Variants in UNC5C observed in about 807,000 individuals in gnomAD.
UNC5C encodes netrin receptor UNC5C.
A neutral mutation model predicts 99.8 loss-of-function variants in UNC5C; 47 were observed. That is an observed-to-expected ratio of 0.47 (90% CI 0.37 to 0.60). UNC5C has a LOEUF of 0.60. UNC5C is among the 20% of genes least tolerant of loss of function. The pLI, the probability that UNC5C is intolerant of heterozygous loss-of-function variation, is 0.00. For missense variants in UNC5C, 1,062 were observed against 1,165.9 expected (o/e 0.91, Z 1.30); for synonymous variants, 487 against 452.2 (o/e 1.08, Z -0.98).
At chr4:95,532,427 A>G (rs1442316125) in intron 1 of UNC5C, among the ~76,000 whole-genome samples, 2 of 149,720 alleles carry the variant, frequency 1.3e-5, no homozygotes, top group Non-Finnish European at 1.5e-5. Flanking sequence ...CATCAACAAA[A>G]TATGCATTCA....
At chr4:95,538,710 T>C (rs1722839970) in intron 1 of UNC5C, among the ~76,000 whole-genome samples, 1 of 152,168 alleles carries the variant, frequency 6.6e-6, no homozygotes, top group Non-Finnish European at 1.5e-5. Flanking sequence ...TGCCAAGTGA[T>C]ATGGGAATGT....
chr4:95,296,829 C>T lies in UNC5C; in HGVS notation c.490+4777G>A, dbSNP rs1054983670. On this transcript the variant is annotated intron_variant, in intron 3 of 15. Coordinates refer to ENST00000453304, the MANE Select transcript of UNC5C (RefSeq NM_003728.4). ...ACATTTGCTTTTTGTTCTTTTTAAA[C>T]ATGATTAAAAGTATTTTTCTTTATA... 4.3e-4 allele frequency among the ~76,000 whole-genome samples: 65 copies of T among 152,128 alleles called. No individual in the cohort carries two copies. In the Middle Eastern group the frequency reaches 9.5e-3, roughly 22 times the overall value.
intron 4 of UNC5C, among the ~76,000 whole-genome samples, chr4:95,264,653 T>C (rs1016700506): frequency 6.6e-6 from 1 of 151,928 alleles, no homozygotes; most frequent in African/African-American, 2.4e-5. Context: ...CTTGAAAGAG[T>C]GAAATATTCC....
At chr4:95,406,732 A>C (rs1745841438) in intron 1 of UNC5C, among the ~76,000 whole-genome samples, 1 of 152,212 alleles carries the variant, frequency 6.6e-6, no homozygotes, top group Non-Finnish European at 1.5e-5. Flanking sequence ...CAAATCAAAG[A>C]CTGAGAAATA....
At chr4:95,377,917 C>CA (rs1379099463) in intron 1 of UNC5C, among the ~76,000 whole-genome samples, 2 of 152,126 alleles carry the variant, frequency 1.3e-5, no homozygotes, top group Non-Finnish European at 2.9e-5. Context: ...GATTCCTTCT[C>CA]GATAACTGAC....
intron 1 of UNC5C, among the ~76,000 whole-genome samples, chr4:95,340,078 A>G (rs1212966723): frequency 6.6e-6 from 1 of 152,048 alleles, no homozygotes; most frequent in East Asian, 1.9e-4. Context: ...ATACCCAAGA[A>G]GAGAAAGCTT....
chr4:95,395,053 C>T (rs1479710169), intron 1 of UNC5C, among the ~76,000 whole-genome samples: 1 of 152,182 alleles, frequency 6.6e-6, no homozygotes, highest in African/African-American at 2.4e-5. Context: ...GCTTCTTCAG[C>T]CCTCCTGTCT....
At chr4:95,541,366 GA>G (rs1225687977) in intron 1 of UNC5C, among the ~76,000 whole-genome samples, 4 of 151,706 alleles carry the variant, frequency 2.6e-5, no homozygotes, top group Non-Finnish European at 4.4e-5. Context: ...GTTATCAGAT[GA>G]AAAAAAAGCA....
chr4:95,279,622 G>A (rs1028435444), intron 3 of UNC5C, among the ~76,000 whole-genome samples: 8 of 152,106 alleles, frequency 5.3e-5, no homozygotes, highest in African/African-American at 1.7e-4. Context: ...TTTCATGCAT[G>A]TACAGTTCAG....
intron 11 of UNC5C, among the ~76,000 whole-genome samples, 155 bp from the exon 12 acceptor site, chr4:95,203,119 C>G (rs1354748397): frequency 3.9e-5 from 6 of 152,168 alleles, no homozygotes; most frequent in Non-Finnish European, 8.8e-5. Flanking sequence ...GTTCATCATT[C>G]TGTCTCTTTC....
chr4:95,491,938 C>T (rs1053915252), intron 1 of UNC5C, among the ~76,000 whole-genome samples: 1 of 151,382 alleles, frequency 6.6e-6, no homozygotes, highest in African/African-American at 2.4e-5. Context: ...TGGCTTATAT[C>T]AAAATGTATG....
chr4:95,432,881 A>G lies in UNC5C; in HGVS notation c.125-97250T>C, dbSNP rs149936216. ...CAAGGAAAAGAGCAATCTGCTCCAC[A>G]GCCTTCACACTATGCTACTTACATT... On this transcript the variant is annotated intron_variant, in intron 1 of 15. Transcript: ENST00000453304. Among the ~76,000 whole-genome samples, 808 of 152,292 alleles carry G rather than the reference A, an allele frequency of 5.3e-3. 12 individuals are homozygous for G. The highest frequency in any genetic ancestry group is 0.018 in the African/African-American group (730 of 41,562).
intron 1 of UNC5C, among the ~76,000 whole-genome samples, chr4:95,380,120 G>T (rs1355061098): frequency 6.6e-6 from 1 of 151,850 alleles, no homozygotes; most frequent in African/African-American, 2.4e-5. Context: ...GTCTTGATTC[G>T]CTGCTTCTTT....
chr4:95,522,691 T>A (rs1722390588), intron 1 of UNC5C, among the ~76,000 whole-genome samples: 2 of 152,162 alleles, frequency 1.3e-5, no homozygotes, highest in Non-Finnish European at 2.9e-5. Flanking sequence ...TAACCTTCAA[T>A]ACAAAGGGCT....
At chr4:95,261,139 G>A (rs183974370) in intron 4 of UNC5C, among the ~76,000 whole-genome samples, 3 of 152,256 alleles carry the variant, frequency 2.0e-5, no homozygotes, top group South Asian at 2.1e-4. Context: ...TGCAGATTAC[G>A]AGATAGGGGC....
At position 95,298,068 on chromosome 4, in the gene UNC5C, G is replaced by A. The variant is rs532002137; in HGVS notation, c.490+3538C>T. On this transcript the variant is annotated intron_variant, in intron 3 of 15. Coordinates refer to ENST00000453304, the MANE Select transcript of UNC5C (RefSeq NM_003728.4). ...TAACGCCTGTAATCCCAATATTTTG[G>A]GAGGCTGAAGTGGGCGAAATCGCTT... is the stretch of plus-strand genomic sequence containing the variant. Among the ~76,000 whole-genome samples the A allele has an allele frequency of 3.9e-5, 6 of 152,300 alleles. No homozygotes were observed. The South Asian group carries it at 1.2e-3, about 32-fold the overall frequency.
intron 2 of UNC5C, among the ~76,000 whole-genome samples, chr4:95,310,761 T>C (rs1348432790): frequency 1.3e-5 from 2 of 152,128 alleles, no homozygotes; most frequent in East Asian, 1.9e-4. Flanking sequence ...ATTTTTGTTT[T>C]GTCTAGAACT....
intron 1 of UNC5C, among the ~76,000 whole-genome samples, chr4:95,521,933 C>T (rs1722371310): frequency 6.6e-6 from 1 of 152,022 alleles, no homozygotes; most frequent in African/African-American, 2.4e-5. Flanking sequence ...CTGGCAGTTA[C>T]AAATTGTGTA....
chr4:95,436,506 T>C (rs1746795463), intron 1 of UNC5C, among the ~76,000 whole-genome samples: 1 of 152,028 alleles, frequency 6.6e-6, no homozygotes, highest in Non-Finnish European at 1.5e-5. Flanking sequence ...GAAACTGCTA[T>C]GGATGGATGG....
Sources: allele counts gnomAD v4.1 joint callset (sites outside exome capture counted in the v4.1 genomes callset), GRCh38; gene constraint gnomAD v4.1.1; transcripts MANE v1.5; gene names NCBI Gene and HGNC (gene_info 2026-07-23, HGNC 2026-07-21).